Variants in GAB4 observed in about 807,000 individuals in gnomAD.
The protein encoded by GAB4 is GRB2 associated binding protein family member 4.
In GAB4, 26 loss-of-function variants were observed where a neutral mutation model predicts 51.3. That is an observed-to-expected ratio of 0.51 (90% CI 0.37 to 0.70). GAB4 has a LOEUF of 0.70. Among genes scored for constraint, GAB4 ranks in the 30% least tolerant of loss-of-function variants. The pLI, the probability that GAB4 is intolerant of heterozygous loss-of-function variation, is 0.00. For missense variants in GAB4, 759 were observed against 734.6 expected (o/e 1.03, Z -0.38); for synonymous variants, 329 against 291.2 (o/e 1.13, Z -1.32).
At position 16,965,282 on chromosome 22, in the gene GAB4, A is replaced by G; in HGVS notation, c.1289-14T>C. 1.9e-6 allele frequency: 3 copies of G among 1,608,238 alleles called. No homozygotes were observed. The highest frequency in any genetic ancestry group is 3.3e-5 in the Admixed American group (2 of 59,952). On this transcript the variant is annotated splice_polypyrimidine_tract_variant and intron_variant, in intron 6 of 9. Transcript: ENST00000400588. ...GTGTTGGGTTGGCTGGAGCAGGAAA[A>G]GAACCTTGTCATCAGCCAGTGATGA...
intron 3 of GAB4, among the ~76,000 whole-genome samples, chr22:16,971,329 T>C (rs1052914528): frequency 6.6e-6 from 1 of 152,236 alleles, no homozygotes; most frequent in African/African-American, 2.4e-5. Context: ...TGTGCCTTCC[T>C]GATCACCCCA....
chr22:16,969,922 G>A (rs775796787), intron 4 of GAB4, 21 bp downstream of exon 4: 3 of 1,613,838 alleles, frequency 1.9e-6, no homozygotes, highest in Admixed American at 3.3e-5. Flanking sequence ...GTGCTTCTGG[G>A]TGCCTTGAAG....
At chr22:16,971,293 T>C (rs2060729653) in intron 3 of GAB4, among the ~76,000 whole-genome samples, 1 of 152,224 alleles carries the variant, frequency 6.6e-6, no homozygotes, top group African/African-American at 2.4e-5. Context: ...TGTGGCAGTT[T>C]CCAGCGCTGC....
intron 3 of GAB4, among the ~76,000 whole-genome samples, chr22:16,971,049 T>A (rs2060726908): frequency 1.3e-5 from 2 of 150,258 alleles, no homozygotes; most frequent in South Asian, 2.1e-4. Flanking sequence ...AAAAAAAAAA[T>A]TAGCCGGGCA....
chr22:16,970,994 G>A (rs957173333), intron 3 of GAB4, among the ~76,000 whole-genome samples: 4 of 150,860 alleles, frequency 2.7e-5, no homozygotes, highest in Admixed American at 6.6e-5. Flanking sequence ...TCAAGAGTTC[G>A]AGACCAGCCT....
chr22:16,982,084 C>A (rs1414744402), intron 3 of GAB4, among the ~76,000 whole-genome samples: 2 of 152,182 alleles, frequency 1.3e-5, no homozygotes, highest in East Asian at 3.9e-4. Context: ...GCTTTACATG[C>A]AAAACCCACA....
intron 3 of GAB4, among the ~76,000 whole-genome samples, chr22:16,985,808 C>T (rs2060862459): frequency 2.0e-5 from 3 of 152,220 alleles, no homozygotes; most frequent in South Asian, 2.1e-4. Flanking sequence ...CTACAGCACA[C>T]GACCATCAAA....
intron 1 of GAB4, among the ~76,000 whole-genome samples, chr22:16,996,292 G>C (rs1464396432): frequency 1.3e-5 from 2 of 151,962 alleles, no homozygotes; most frequent in Non-Finnish European, 2.9e-5. Flanking sequence ...AAGCCTCAAA[G>C]AAATATGGGA....
chr22:16,995,931 G>C (rs1411020161), intron 1 of GAB4, among the ~76,000 whole-genome samples: 1 of 152,032 alleles, frequency 6.6e-6, no homozygotes, highest in Non-Finnish European at 1.5e-5. Flanking sequence ...TTGCCAGCAA[G>C]AGAACAAAAT....
chr22:16,994,009 T>C (rs2060932870), intron 1 of GAB4, among the ~76,000 whole-genome samples: 2 of 152,076 alleles, frequency 1.3e-5, no homozygotes, highest in South Asian at 4.1e-4. Flanking sequence ...TCAACAGTTC[T>C]CCACCTCTAC....
intron 8 of GAB4, 59 bp from the exon 9 acceptor site, chr22:16,963,888 G>A (rs2060649958): frequency 7.4e-7 from 1 of 1,342,892 alleles, no homozygotes; most frequent in Non-Finnish European, 1.1e-6. Context: ...CCAGCACCCA[G>A]TGGAACACAC....
chr22:16,981,315 G>GA lies in GAB4; in HGVS notation c.686+6644dup, dbSNP rs530389075. Among the ~76,000 whole-genome samples, 6 of 151,470 alleles carry GA rather than the reference G, an allele frequency of 4.0e-5. No individual in the cohort carries two copies. In the South Asian group the frequency reaches 1.0e-3, roughly 26 times the overall value. On this transcript the variant is annotated intron_variant, in intron 3 of 9. Transcript: ENST00000400588. ...AGCAGCAATAAATAAAATTTAGAGTGAAAAAAATAAAATATCAATGAAACA... is the reference window on the plus strand; with the variant it reads ...AGCAGCAATAAATAAAATTTAGAGTGAAAAAAAATAAAATATCAATGAAACA...
At chr22:16,985,514 T>C (rs2060859960) in intron 3 of GAB4, among the ~76,000 whole-genome samples, 1 of 152,246 alleles carries the variant, frequency 6.6e-6, no homozygotes, top group Non-Finnish European at 1.5e-5. Flanking sequence ...AGTTTCTAAC[T>C]GTTCAGTAGG....
chr22:16,963,574 C>T lies in GAB4; in HGVS notation c.1581+151G>A, dbSNP rs909133884. 2.8e-5 allele frequency: 18 copies of T among 635,322 alleles called. No homozygotes were observed. In the African/African-American group the frequency reaches 2.9e-4, roughly 10 times the overall value. 39.4% of individuals were successfully genotyped at this position (635,322 alleles called of 1,614,324 possible). On this transcript the variant is annotated intron_variant, in intron 9 of 9. Transcript: ENST00000400588. ...GGGAAGGAACAGGAGCCCCGAGATC[C>T]AGATCAGAGCACCACTGAGCATAAG...
At chr22:16,980,400 GA>G (rs967364229) in intron 3 of GAB4, among the ~76,000 whole-genome samples, 2 of 151,972 alleles carry the variant, frequency 1.3e-5, no homozygotes, top group African/African-American at 4.8e-5. Context: ...CCACAAACAT[GA>G]AAAAAAGCTC....
chr22:16,972,514 G>C (rs796687375), intron 3 of GAB4, among the ~76,000 whole-genome samples: 3 of 152,164 alleles, frequency 2.0e-5, no homozygotes, highest in Non-Finnish European at 4.4e-5. Context: ...CAAGAGCTTC[G>C]GAAGGATGTC....
At chr22:16,972,210 G>T (rs1175538572) in intron 3 of GAB4, among the ~76,000 whole-genome samples, 1 of 152,206 alleles carries the variant, frequency 6.6e-6, no homozygotes, top group Admixed American at 6.5e-5. Flanking sequence ...AGTGGAGGAG[G>T]TGTCACGAAC....
Position 16,988,036 on chromosome 22 carries a change from G to A in GAB4, c.610C>T (p.Pro204Ser). The change falls in exon 3 of 10, where the codon CCC becomes TCC. Residue 204 changes from proline (P) to serine (S), a missense_variant. Pro to Ser is a moderately conservative substitution (Grantham distance 74). Coordinates refer to ENST00000400588, the MANE Select transcript of GAB4 (RefSeq NM_001037814.1). ...GGAGGTGCAGGGATGGGCCAGGTGG[G>A]CGGCACACAGTGAGACACCGGGGGC... is the stretch of plus-strand genomic sequence containing the variant. ...SEPPVSHCVP[P>S]TWPIPAPPGC... 7 of 1,608,802 alleles carry A rather than the reference G, an allele frequency of 4.4e-6. No homozygotes were observed. The highest frequency in any genetic ancestry group is 5.9e-6 in the Non-Finnish European group (7 of 1,177,964).
Position 16,973,769 on chromosome 22 carries a change from C to T in GAB4, c.687-3576G>A, listed in dbSNP as rs565222508. 1.5e-4 allele frequency among the ~76,000 whole-genome samples: 23 copies of T among 152,226 alleles called. 1 individual carries two copies. Among genetic ancestry groups the T allele is most frequent in the African/African-American group, 4.3e-4 (18 of 41,530 alleles). On this transcript the variant is annotated intron_variant, in intron 3 of 9. Transcript: ENST00000400588. The stretch of plus-strand genomic sequence containing the variant: ...TGTGTGTTATCAGTGTGAGTCTCCC[C>T]ACTCCCAGCAGACCCTGTGCTCTTC...
Sources: allele counts gnomAD v4.1 joint callset (sites outside exome capture counted in the v4.1 genomes callset), GRCh38; gene constraint gnomAD v4.1.1; transcripts MANE v1.5; gene names NCBI Gene and HGNC (gene_info 2026-07-23, HGNC 2026-07-21).